ADAM22: variants seen among roughly 807,000 people sequenced by gnomAD.
ADAM22 encodes disintegrin and metalloproteinase domain-containing protein 22.
In ADAM22, 65 loss-of-function variants were observed where a neutral mutation model predicts 144.6. That is an observed-to-expected ratio of 0.45 (90% confidence interval 0.37 to 0.55). ADAM22 has a LOEUF of 0.55. Ranked by LOEUF, ADAM22 falls within the 20% of genes least tolerant of loss-of-function variation. The pLI, the probability that ADAM22 is intolerant of heterozygous loss-of-function variation, is 0.00. For missense variants in ADAM22, 974 were observed against 1,184.9 expected, an observed-to-expected ratio of 0.82 and a Z score of 2.61; for synonymous variants, 391 against 412.6, an observed-to-expected ratio of 0.95 and a Z score of 0.63.
chr7:88,142,265 T>G (rs1335469742), intron 14 of ADAM22, among the ~76,000 whole-genome samples: 1 of 152,216 alleles, frequency 6.6e-6, no homozygotes, highest in Non-Finnish European at 1.5e-5. Context: ...AATACTGTCA[T>G]TTGTAGCAAA....
At chr7:88,112,261 G>A (rs1826251295) in intron 5 of ADAM22, among the ~76,000 whole-genome samples, 1 of 152,186 alleles carries the variant, frequency 6.6e-6, no homozygotes, top group African/African-American at 2.4e-5. Context: ...AAACAGTGCA[G>A]CTGTGAGAAT....
intron 4 of ADAM22, among the ~76,000 whole-genome samples, chr7:88,077,087 T>C (rs1814749696): frequency 6.6e-6 from 1 of 152,232 alleles, no homozygotes; most frequent in South Asian, 2.1e-4. Context: ...GTAGCTACAA[T>C]ATTGTATCTG....
At chr7:88,002,636 A>G (rs898109761) in intron 3 of ADAM22, among the ~76,000 whole-genome samples, 1 of 152,226 alleles carries the variant, frequency 6.6e-6, no homozygotes, top group South Asian at 2.1e-4. Flanking sequence ...ATCATATTTC[A>G]AAGGGAGATT....
intron 4 of ADAM22, among the ~76,000 whole-genome samples, chr7:88,088,746 G>A (rs769858911): frequency 3.3e-5 from 5 of 152,088 alleles, no homozygotes; most frequent in African/African-American, 4.8e-5. Context: ...AACTCGAAAG[G>A]TACACAACGT....
chr7:88,000,220 TA>T (rs1448509571), intron 3 of ADAM22, among the ~76,000 whole-genome samples: 3 of 152,190 alleles, frequency 2.0e-5, no homozygotes, highest in Non-Finnish European at 2.9e-5. Flanking sequence ...GTTTTATGTT[TA>T]AACTCCTCCT....
chr7:88,061,736 G>A (rs1809919976), intron 3 of ADAM22, among the ~76,000 whole-genome samples: 1 of 152,028 alleles, frequency 6.6e-6, no homozygotes, highest in South Asian at 2.1e-4. Context: ...ATTCCTAAGG[G>A]CCTTAGGATT....
intron 3 of ADAM22, among the ~76,000 whole-genome samples, chr7:88,006,181 C>T (rs1414946979): frequency 2.6e-5 from 4 of 152,124 alleles, no homozygotes; most frequent in African/African-American, 9.7e-5. Context: ...GACACATACA[C>T]TCTCCCAATA....
At chr7:88,058,646 A>G (rs1360950335) in intron 3 of ADAM22, among the ~76,000 whole-genome samples, 1 of 152,212 alleles carries the variant, frequency 6.6e-6, no homozygotes. Flanking sequence ...TTTCCTGATG[A>G]TCTAAAAGAA....
chr7:87,949,894 T>C (rs1347619772), intron 2 of ADAM22, among the ~76,000 whole-genome samples: 1 of 149,932 alleles, frequency 6.7e-6, no homozygotes, highest in Non-Finnish European at 1.5e-5. Flanking sequence ...ACGTCTATTA[T>C]ATAAATTATA....
rs1849498602 is a variant in ADAM22, at chr7:88,190,995, C to CCCCCAAGATAATCAATTTTATACCAGCCT, written c.2751-2118_2751-2090dup. On this transcript the variant is annotated intron_variant, in intron 30 of 31. Coordinates refer to ENST00000413139, the MANE Select transcript of ADAM22 (RefSeq NM_001324418.2). ...TGACTCCTGCTCTGGTGCTCTCATCCCCCCAAGATAATCAATTTTATACCA... is the reference window on the plus strand; with the variant it reads ...TGACTCCTGCTCTGGTGCTCTCATCCCCCCAAGATAATCAATTTTATACCAGCCTCCCCAAGATAATCAATTTTATACCA... Among the ~76,000 whole-genome samples the CCCCCAAGATAATCAATTTTATACCAGCCT allele has an allele frequency of 2.0e-5, 3 of 151,550 alleles. No individual in the cohort carries two copies. The East Asian group carries it at 5.8e-4, about 29-fold the overall frequency.
intron 3 of ADAM22, among the ~76,000 whole-genome samples, chr7:87,987,607 A>G (rs1372020488): frequency 4.6e-5 from 7 of 152,232 alleles, no homozygotes; most frequent in Non-Finnish European, 2.9e-5. Flanking sequence ...TGTTTATGAT[A>G]TGGCTGTTAA....
At chr7:88,051,479 C>T (rs1205322986) in intron 3 of ADAM22, among the ~76,000 whole-genome samples, 2 of 151,768 alleles carry the variant, frequency 1.3e-5, no homozygotes, top group African/African-American at 4.8e-5. Context: ...CATGTTCTCA[C>T]TCATAGGTGG....
At chr7:87,967,889 C>T (rs939978436) in intron 2 of ADAM22, among the ~76,000 whole-genome samples, 2 of 150,888 alleles carry the variant, frequency 1.3e-5, no homozygotes, top group South Asian at 2.1e-4. Context: ...AGATATTGGC[C>T]CTCAATTTAG....
At chr7:87,958,857 G>A (rs993833562) in intron 2 of ADAM22, among the ~76,000 whole-genome samples, 3 of 151,798 alleles carry the variant, frequency 2.0e-5, no homozygotes, top group Non-Finnish European at 2.9e-5. Flanking sequence ...TTTTCTTGTC[G>A]ATTTTTGGCA....
intron 2 of ADAM22, among the ~76,000 whole-genome samples, chr7:87,935,688 T>C (rs1327866883): frequency 6.6e-6 from 1 of 152,166 alleles, no homozygotes; most frequent in African/African-American, 2.4e-5. Flanking sequence ...TCGCACACAT[T>C]TGTGGACACC....
chr7:87,992,510 C>T (rs549181995), intron 3 of ADAM22, among the ~76,000 whole-genome samples: 5 of 152,266 alleles, frequency 3.3e-5, no homozygotes, highest in Admixed American at 1.3e-4. Context: ...TTTGATTAAT[C>T]ATGAAAATAG....
intron 2 of ADAM22, among the ~76,000 whole-genome samples, chr7:87,960,377 T>G (rs575778363): frequency 1.1e-4 from 16 of 149,738 alleles, no homozygotes; most frequent in East Asian, 3.9e-4. Context: ...GGTAGTGGGG[T>G]GTGTGTGTGT....
chr7:88,058,380 A>G (rs1808857725), intron 3 of ADAM22, among the ~76,000 whole-genome samples: 1 of 152,212 alleles, frequency 6.6e-6, no homozygotes, highest in Admixed American at 6.5e-5. Context: ...AAACATATGG[A>G]AGAAAAGCGA....
chr7:88,151,383 G>A (rs529782162), intron 20 of ADAM22, 63 bp downstream of exon 20: 41 of 1,584,700 alleles, frequency 2.6e-5, no homozygotes, highest in Non-Finnish European at 2.9e-5. Flanking sequence ...TCTCAAGGAC[G>A]TGTGTGCTGG....
Sources: allele counts gnomAD v4.1 joint callset (sites outside exome capture counted in the v4.1 genomes callset), GRCh38; gene constraint gnomAD v4.1.1; transcripts MANE v1.5; gene names NCBI Gene and HGNC (gene_info 2026-07-23, HGNC 2026-07-21).